Variants in SLC35F4 observed in about 807,000 individuals in gnomAD.
SLC35F4 encodes the protein solute carrier family 35 member F4.
Under a neutral mutation model 44.2 loss-of-function variants are expected in SLC35F4, and 24 were observed. The ratio of observed to expected loss-of-function variants is 0.54; its 90% CI spans 0.39 to 0.76. The LOEUF is 0.76. Ranked by LOEUF, SLC35F4 falls within the 30% of genes least tolerant of loss-of-function variation. The pLI is 0.00. For synonymous variants in SLC35F4, 238 were observed against 223.6 expected (o/e 1.06, Z -0.57); for missense variants, 562 against 586.1 (o/e 0.96, Z 0.42).
intron 3 of SLC35F4, among the ~76,000 whole-genome samples, chr14:57,584,566 A>G (rs1426234624): frequency 2.6e-5 from 4 of 152,158 alleles, no homozygotes; most frequent in African/African-American, 9.7e-5. Context: ...CATTCCCTTC[A>G]GAGATAGTAT....
chr14:57,862,822 C>G (rs1246843412), intron 1 of SLC35F4, among the ~76,000 whole-genome samples: 4 of 152,172 alleles, frequency 2.6e-5, no homozygotes, highest in Non-Finnish European at 4.4e-5. Context: ...CACCTTGAAA[C>G]ATACTAAATA....
At chr14:57,761,062 T>C (rs78713981) in intron 1 of SLC35F4, among the ~76,000 whole-genome samples, 3,655 of 152,244 alleles carry the variant, frequency 0.024, 147 homozygotes, top group East Asian at 0.17. Flanking sequence ...CCCCTCTGCT[T>C]GTGCTGCACA....
intron 1 of SLC35F4, among the ~76,000 whole-genome samples, chr14:57,894,164 A>G (rs1293440672): frequency 1.3e-5 from 2 of 152,100 alleles, no homozygotes; most frequent in Non-Finnish European, 2.9e-5. Flanking sequence ...TATGTTTAGC[A>G]TTAGTGTACA....
chr14:57,812,545 G>A (rs1882090444), intron 1 of SLC35F4, among the ~76,000 whole-genome samples: 1 of 152,132 alleles, frequency 6.6e-6, no homozygotes, highest in African/African-American at 2.4e-5. Context: ...AGGAGTAAAG[G>A]AGCTGTCCTA....
chr14:57,703,118 C>G (rs1264546390), intron 1 of SLC35F4, among the ~76,000 whole-genome samples: 1 of 152,032 alleles, frequency 6.6e-6, no homozygotes, highest in East Asian at 1.9e-4. Flanking sequence ...TCAAGCAGAC[C>G]AATTCAAGTC....
chr14:57,692,768 T>C (rs183225935), intron 1 of SLC35F4, among the ~76,000 whole-genome samples: 1 of 152,104 alleles, frequency 6.6e-6, no homozygotes, highest in African/African-American at 2.4e-5. Flanking sequence ...ACAATTTAAC[T>C]GAAAAACCCT....
At chr14:57,933,531 T>C (rs1224797303) in intron 1 of SLC35F4, among the ~76,000 whole-genome samples, 1 of 152,002 alleles carries the variant, frequency 6.6e-6, no homozygotes, top group Non-Finnish European at 1.5e-5. Flanking sequence ...TTATTGAAAA[T>C]AAGAGGAAAT....
At chr14:57,667,637 A>C (rs1437230831) in intron 1 of SLC35F4, among the ~76,000 whole-genome samples, 1 of 151,770 alleles carries the variant, frequency 6.6e-6, no homozygotes, top group Non-Finnish European at 1.5e-5. Context: ...TTCCAGCTTC[A>C]TCCATGTCCC....
At chr14:57,567,385 A>G (rs369153439) in intron 6 of SLC35F4, among the ~76,000 whole-genome samples, 7 of 152,342 alleles carry the variant, frequency 4.6e-5, no homozygotes, top group South Asian at 2.1e-4. Context: ...CAATTCAGAG[A>G]TCTCCATGAC....
intron 1 of SLC35F4, among the ~76,000 whole-genome samples, chr14:57,623,977 A>T (rs1184349299): frequency 6.6e-6 from 1 of 152,200 alleles, no homozygotes; most frequent in Non-Finnish European, 1.5e-5. Flanking sequence ...AGATAGAGAC[A>T]CAAAAATCCC....
At chr14:57,618,173 T>TA (rs1313759415) in intron 1 of SLC35F4, among the ~76,000 whole-genome samples, 11 of 152,276 alleles carry the variant, frequency 7.2e-5, no homozygotes, top group East Asian at 3.9e-4. Context: ...GACAAGATTT[T>TA]AAAATAAAAT....
At chr14:57,721,188 TA>T (rs2076079076) in intron 1 of SLC35F4, among the ~76,000 whole-genome samples, 1 of 151,586 alleles carries the variant, frequency 6.6e-6, no homozygotes, top group Non-Finnish European at 1.5e-5. Flanking sequence ...TTAATATGAT[TA>T]GAACCAAAAG....
At chr14:57,660,925 T>A (rs74054617) in intron 1 of SLC35F4, among the ~76,000 whole-genome samples, 29 of 152,316 alleles carry the variant, frequency 1.9e-4, no homozygotes, top group African/African-American at 7.0e-4. Context: ...TTTGTTGTTG[T>A]AAGCTACATA....
intron 1 of SLC35F4, among the ~76,000 whole-genome samples, chr14:57,880,164 T>G (rs1043829217): frequency 6.6e-6 from 1 of 152,144 alleles, no homozygotes; most frequent in Non-Finnish European, 1.5e-5. Flanking sequence ...AGTTTCCTCA[T>G]TTTTAAAATG....
chr14:57,771,587 A>C (rs533022866), intron 1 of SLC35F4, among the ~76,000 whole-genome samples: 3 of 151,930 alleles, frequency 2.0e-5, no homozygotes, highest in Non-Finnish European at 4.4e-5. Context: ...TTAATTAATT[A>C]ATTTATTTAC....
At chr14:57,711,192 A>G (rs910559679) in intron 1 of SLC35F4, among the ~76,000 whole-genome samples, 6 of 152,078 alleles carry the variant, frequency 3.9e-5, no homozygotes, top group Admixed American at 6.5e-5. Context: ...TGATGGTTTT[A>G]TAAGCATCTG....
intron 1 of SLC35F4, among the ~76,000 whole-genome samples, chr14:57,886,238 TCA>T (rs935241700): frequency 2.0e-5 from 3 of 152,178 alleles, no homozygotes; most frequent in Non-Finnish European, 2.9e-5. Context: ...CATTATTATC[TCA>T]CAGTTTCTGT....
At chr14:57,762,743 A>T (rs1182250246) in intron 1 of SLC35F4, among the ~76,000 whole-genome samples, 1 of 152,080 alleles carries the variant, frequency 6.6e-6, no homozygotes, top group Non-Finnish European at 1.5e-5. Flanking sequence ...TTTCTCTTGC[A>T]TGCTTCCTCA....
intron 1 of SLC35F4, among the ~76,000 whole-genome samples, chr14:57,664,000 T>TG (rs1248249688): frequency 7.5e-6 from 1 of 133,430 alleles, no homozygotes; most frequent in Non-Finnish European, 1.7e-5. Flanking sequence ...CAGTTTTCAT[T>TG]GAAAAAAAAA....
Sources: allele counts gnomAD v4.1 joint callset (sites outside exome capture counted in the v4.1 genomes callset), GRCh38; gene constraint gnomAD v4.1.1; transcripts MANE v1.5; gene names NCBI Gene and HGNC (gene_info 2026-07-23, HGNC 2026-07-21).